SAMMSON: variants seen among roughly 807,000 people sequenced by gnomAD.
The protein encoded by SAMMSON is survival associated mitochondrial melanoma specific oncogenic non-coding RNA.
At chr3:70,015,217 C>T (rs907830570) in intron 3 of SAMMSON, 1 of 152,082 alleles carries the variant, frequency 6.6e-6, no homozygotes, top group Admixed American at 6.6e-5. Context: ...GGAAGCGGAG[C>T]TTGCAGTGAG....
chr3:70,298,801 A>C (rs187429862), intron 7 of SAMMSON, among the ~76,000 whole-genome samples: 2 of 152,280 alleles, frequency 1.3e-5, no homozygotes, highest in African/African-American at 4.8e-5. Flanking sequence ...CTATGATAGA[A>C]GATGTACTGG....
intron 4 of SAMMSON, among the ~76,000 whole-genome samples, chr3:70,234,530 T>C (rs532567137): frequency 9.9e-5 from 15 of 151,860 alleles, no homozygotes; most frequent in Admixed American, 8.5e-4. Flanking sequence ...GCACCTGTAG[T>C]CCCAGAGGCT....
intron 8 of SAMMSON, among the ~76,000 whole-genome samples, chr3:70,355,977 A>G (rs1441734672): frequency 6.6e-6 from 1 of 152,204 alleles, no homozygotes; most frequent in Admixed American, 6.5e-5. Flanking sequence ...AGACAAAAAG[A>G]CATACATTTG....
At chr3:70,126,298 GAACTTGATCTTGCTCT>G in intron 4 of SAMMSON, 1 of 1,162,050 alleles carries the variant, frequency 8.6e-7, no homozygotes, top group South Asian at 1.3e-5. Flanking sequence ...CATGGGGAGT[GAACTTGATCTTGCTCT>G]TTTGCAAATT....
At chr3:70,244,013 A>G (rs140510811) in intron 4 of SAMMSON, among the ~76,000 whole-genome samples, 1 of 152,180 alleles carries the variant, frequency 6.6e-6, no homozygotes, top group East Asian at 1.9e-4. Context: ...TCTCCCCTCT[A>G]CGCAACTTGA....
At chr3:70,144,588 T>C (rs1360219071) in intron 4 of SAMMSON, among the ~76,000 whole-genome samples, 1 of 152,178 alleles carries the variant, frequency 6.6e-6, no homozygotes, top group Non-Finnish European at 1.5e-5. Flanking sequence ...ATTATGTTAC[T>C]GATATGGTTT....
intron 3 of SAMMSON, chr3:70,013,689 A>G (rs986811748): frequency 2.0e-5 from 3 of 152,102 alleles, no homozygotes; most frequent in Admixed American, 2.0e-4. Flanking sequence ...AATTTAACAT[A>G]TTTTTCTTTT....
intron 4 of SAMMSON, among the ~76,000 whole-genome samples, chr3:70,084,427 A>G (rs2067278378): frequency 6.6e-6 from 1 of 152,238 alleles, no homozygotes. Context: ...TTAGAAGGGA[A>G]AGAAAAGTGG....
chr3:70,280,721 A>G (rs1424251553), intron 6 of SAMMSON, among the ~76,000 whole-genome samples: 5 of 152,126 alleles, frequency 3.3e-5, no homozygotes, highest in Non-Finnish European at 5.9e-5. Context: ...CATAAAACCT[A>G]AAAACATTAC....
At chr3:70,070,662 A>G in intron 3 of SAMMSON, among the ~76,000 whole-genome samples, 1 of 151,836 alleles carries the variant, frequency 6.6e-6, no homozygotes, top group Middle Eastern at 3.4e-3. Context: ...TATATTTATT[A>G]CTTAAAGCTT....
At chr3:70,129,928 CA>C (rs2067475338) in intron 4 of SAMMSON, among the ~76,000 whole-genome samples, 1 of 152,220 alleles carries the variant, frequency 6.6e-6, no homozygotes, top group African/African-American at 2.4e-5. Flanking sequence ...ATACTTTATA[CA>C]TAGTGAAATG....
intron 9 of SAMMSON, among the ~76,000 whole-genome samples, chr3:70,366,250 A>G (rs1702919265): frequency 4.1e-5 from 1 of 24,508 alleles, no homozygotes; most frequent in African/African-American, 1.4e-4. Context: ...TCGGCCTCCC[A>G]AAGTGCTGGG....
chr3:70,334,843 A>G (rs1225575760), intron 7 of SAMMSON, among the ~76,000 whole-genome samples: 2 of 152,114 alleles, frequency 1.3e-5, no homozygotes, highest in African/African-American at 2.4e-5. Context: ...CTCAATTCCC[A>G]TGTTCCTCTA....
chr3:70,286,126 C>A (rs1253083801), intron 6 of SAMMSON, among the ~76,000 whole-genome samples: 3 of 152,130 alleles, frequency 2.0e-5, no homozygotes, highest in African/African-American at 7.2e-5. Flanking sequence ...GACATGAAGT[C>A]CTTGCCCATG....
chr3:70,226,616 T>C (rs527460661), intron 4 of SAMMSON, among the ~76,000 whole-genome samples: 16 of 151,520 alleles, frequency 1.1e-4, no homozygotes, highest in Non-Finnish European at 1.9e-4. Context: ...CGGGTGCCTG[T>C]AATCCCAGCT....
intron 2 of SAMMSON, among the ~76,000 whole-genome samples, chr3:70,426,342 A>G (rs1701368469): frequency 1.3e-5 from 2 of 152,210 alleles, no homozygotes; most frequent in Admixed American, 6.5e-5. Context: ...ACAATAGTAT[A>G]TTGCAAACAA....
chr3:70,209,954 T>C (rs1355397863), intron 4 of SAMMSON, among the ~76,000 whole-genome samples: 1 of 152,140 alleles, frequency 6.6e-6, no homozygotes, highest in Non-Finnish European at 1.5e-5. Flanking sequence ...AAAGAGCTGA[T>C]AGATAACGAG....
intron 7 of SAMMSON, among the ~76,000 whole-genome samples, chr3:70,345,122 T>C (rs1702740908): frequency 6.6e-6 from 1 of 152,196 alleles, no homozygotes; most frequent in Non-Finnish European, 1.5e-5. Flanking sequence ...GATGTCTCCA[T>C]CTCTAATCCA....
intron 3 of SAMMSON, among the ~76,000 whole-genome samples, chr3:70,026,509 A>G (rs920860355): frequency 3.3e-5 from 5 of 152,218 alleles, no homozygotes; most frequent in African/African-American, 4.8e-5. Context: ...TTTAGATGAC[A>G]GACTGCAGAA....
Sources: allele counts gnomAD v4.1 joint callset (sites outside exome capture counted in the v4.1 genomes callset), GRCh38; gene constraint gnomAD v4.1.1; transcripts MANE v1.5; gene names NCBI Gene and HGNC (gene_info 2026-07-23, HGNC 2026-07-21).